The following TSPAN9 variants were observed in gnomAD, a reference collection of about 807,000 sequenced individuals.
TSPAN9 encodes tetraspanin-9.
A neutral mutation model predicts 31.0 loss-of-function variants in TSPAN9; 16 were observed. The ratio of observed to expected loss-of-function variants is 0.52; its 90% CI spans 0.35 to 0.78. The LOEUF is 0.78. Among genes scored for constraint, TSPAN9 ranks in the 30% least tolerant of loss-of-function variants. The pLI is 0.01. For missense variants in TSPAN9, 272 were observed against 312.5 expected, an observed-to-expected ratio of 0.87 and a Z score of 0.98; for synonymous variants, 145 against 121.6, an observed-to-expected ratio of 1.19 and a Z score of -1.27.
chr12:3,128,794 G>A (rs984922974), intron 2 of TSPAN9, among the ~76,000 whole-genome samples: 6 of 152,258 alleles, frequency 3.9e-5, no homozygotes, highest in Non-Finnish European at 8.8e-5. Flanking sequence ...ACATAAAATT[G>A]ACCATTTCAA....
intron 2 of TSPAN9, among the ~76,000 whole-genome samples, chr12:3,109,158 G>C (rs7485494): frequency 0.18 from 27,407 of 151,452 alleles, 2,716 homozygotes; most frequent in African/African-American, 0.24. Context: ...GGATGGTCTC[G>C]ATCTCCTGAC....
chr12:3,179,924 T>A (rs536842657), intron 2 of TSPAN9, among the ~76,000 whole-genome samples: 75 of 152,298 alleles, frequency 4.9e-4, no homozygotes, highest in African/African-American at 1.7e-3. Flanking sequence ...ATCTCCATCT[T>A]GAGAGTGAAT....
chr12:3,120,249 C>T (rs1033879338), intron 2 of TSPAN9, among the ~76,000 whole-genome samples: 2 of 152,260 alleles, frequency 1.3e-5, no homozygotes, highest in Admixed American at 6.5e-5. Context: ...AGAACGAGTT[C>T]GAACAGGATC....
chr12:3,183,849 A>C (rs933135870), intron 2 of TSPAN9, among the ~76,000 whole-genome samples: 1 of 152,094 alleles, frequency 6.6e-6, no homozygotes, highest in Admixed American at 6.6e-5. Flanking sequence ...TCACCTTTGG[A>C]ATCTTTTTGT....
At chr12:3,151,057 TC>T (rs2098339498) in intron 2 of TSPAN9, 1 of 152,188 alleles carries the variant, frequency 6.6e-6, no homozygotes, top group African/African-American at 2.4e-5. Flanking sequence ...TTCCTGGAGA[TC>T]AGGTCCCTGA....
At chr12:3,260,222 G>A (rs1030627918) in intron 3 of TSPAN9, among the ~76,000 whole-genome samples, 2 of 152,230 alleles carry the variant, frequency 1.3e-5, no homozygotes, top group Non-Finnish European at 2.9e-5. Context: ...ATAGTTTTTG[G>A]CATAGTTTGT....
intron 3 of TSPAN9, among the ~76,000 whole-genome samples, chr12:3,209,234 CAAAA>C (rs10580349): frequency 7.2e-6 from 1 of 139,624 alleles, no homozygotes; most frequent in Non-Finnish European, 1.6e-5. Context: ...GACTCCATCT[CAAAA>C]AAAAAAAAAA....
chr12:3,253,642 C>T (rs563332005), intron 3 of TSPAN9, among the ~76,000 whole-genome samples: 19 of 152,300 alleles, frequency 1.2e-4, no homozygotes, highest in Admixed American at 9.8e-4. Context: ...CAGGTCCACT[C>T]GGGTAGAAAT....
intron 2 of TSPAN9, among the ~76,000 whole-genome samples, chr12:3,139,745 A>T (rs772495685): frequency 3.3e-5 from 5 of 151,904 alleles, no homozygotes; most frequent in Non-Finnish European, 7.4e-5. Context: ...ATAGGGTTTC[A>T]CCATGCTGCC....
At position 3,243,545 on chromosome 12, in the gene TSPAN9, A is replaced by G. The variant is rs576630201; in HGVS notation, c.64-34876A>G. On this transcript the variant is annotated intron_variant, in intron 3 of 8. Coordinates refer to ENST00000011898, the MANE Select transcript of TSPAN9 (RefSeq NM_006675.5). The stretch of plus-strand genomic sequence containing the variant: ...GGGCTAAGCCCTGAGCCCAGGAGAT[A>G]GGGCTGTTGGCTAAGCAGCTTAGGG... 2.6e-5 allele frequency among the ~76,000 whole-genome samples: 4 copies of G among 152,312 alleles called. No individual in the cohort carries two copies. In the South Asian group the frequency reaches 8.3e-4, roughly 32 times the overall value.
At chr12:3,206,068 A>G (rs1037948015) in intron 3 of TSPAN9, among the ~76,000 whole-genome samples, 3 of 152,304 alleles carry the variant, frequency 2.0e-5, no homozygotes, top group African/African-American at 7.2e-5. Flanking sequence ...AGCCTGAGGA[A>G]GGGGCCGCTG....
intron 7 of TSPAN9, among the ~76,000 whole-genome samples, 156 bp downstream of exon 7, chr12:3,281,485 A>G (rs1672126597): frequency 2.0e-5 from 3 of 147,106 alleles, no homozygotes; most frequent in Middle Eastern, 3.4e-3. Context: ...ACAGGTGGAA[A>G]ATGGGGGGTG....
At chr12:3,247,997 G>C (rs888477415) in intron 3 of TSPAN9, among the ~76,000 whole-genome samples, 1 of 152,212 alleles carries the variant, frequency 6.6e-6, no homozygotes, top group African/African-American at 2.4e-5. Flanking sequence ...TTAGAAGACT[G>C]CATCTTAATC....
At chr12:3,219,464 C>T (rs1014812223) in intron 3 of TSPAN9, among the ~76,000 whole-genome samples, 1 of 152,286 alleles carries the variant, frequency 6.6e-6, no homozygotes, top group African/African-American at 2.4e-5. Flanking sequence ...GGGCACCTGT[C>T]CAAGGCGGAC....
chr12:3,233,508 C>T (rs1212338822), intron 3 of TSPAN9, among the ~76,000 whole-genome samples: 1 of 152,196 alleles, frequency 6.6e-6, no homozygotes, highest in East Asian at 1.9e-4. Context: ...GTTGCATGTG[C>T]TTCTGAGCTG....
chr12:3,234,627 T>C (rs1312863738), intron 3 of TSPAN9, among the ~76,000 whole-genome samples: 1 of 152,096 alleles, frequency 6.6e-6, no homozygotes, highest in East Asian at 1.9e-4. Flanking sequence ...CACTGTGCAG[T>C]GAGGGGCACA....
At chr12:3,138,997 A>G (rs915108472) in intron 2 of TSPAN9, among the ~76,000 whole-genome samples, 2 of 151,926 alleles carry the variant, frequency 1.3e-5, no homozygotes, top group African/African-American at 4.8e-5. Flanking sequence ...CAGGCTGTGG[A>G]CGCCCTGAGG....
intron 3 of TSPAN9, among the ~76,000 whole-genome samples, chr12:3,232,086 T>C (rs1484132477): frequency 6.6e-6 from 1 of 152,226 alleles, no homozygotes; most frequent in Non-Finnish European, 1.5e-5. Context: ...CCTGGATTTT[T>C]CTTTTTGGTA....
In TSPAN9 at chr12:3,283,232, C is replaced by T; in HGVS notation, c.*116C>T. The T allele has an allele frequency of 9.6e-7, 1 of 1,041,840 alleles. No individual in the cohort carries two copies. Among genetic ancestry groups the T allele is most frequent in the Non-Finnish European group, 1.4e-6 (1 of 724,430 alleles). 64.5% of individuals were successfully genotyped at this position (1,041,840 alleles called of 1,614,324 possible). A position where few individuals can be genotyped will look rare whatever the true frequency, so the allele number is the denominator to read the frequency against. ...TGACCCCTGCACCCACCCCCCACAG[C>T]CTGCCCTACCCCACCTACCCTGCCT... On this transcript the variant is annotated 3_prime_UTR_variant, in exon 9 of 9. Transcript: ENST00000011898.
Sources: gnomAD v4.1 joint callset for allele counts (sites outside exome capture counted in the v4.1 genomes callset) on GRCh38, gnomAD v4.1.1 for gene constraint, MANE v1.5 for transcripts, NCBI Gene and HGNC (gene_info 2026-07-23, HGNC 2026-07-21) for gene names.